Variants in DNAH5 observed in about 807,000 individuals in gnomAD.
The protein encoded by DNAH5 is dynein axonemal heavy chain 5.
DNAH5 carries 372 observed loss-of-function variants against 518.2 expected under a neutral mutation model. The observed-to-expected ratio is 0.72, with a 90% confidence interval of 0.66 to 0.78. The LOEUF (loss-of-function observed/expected upper bound fraction) is 0.78. Ranked by LOEUF, DNAH5 falls within the 30% of genes least tolerant of loss-of-function variation. DNAH5 has a pLI of 0.00. For synonymous variants in DNAH5, 2,039 were observed against 2,025.9 expected, an observed-to-expected ratio of 1.01 and a Z score of -0.17; for missense variants, 5,523 against 5,687.0, an observed-to-expected ratio of 0.97 and a Z score of 0.93.
intron 30 of DNAH5, among the ~76,000 whole-genome samples, chr5:13,855,356 CCGCCACTA>C (rs1483031238): frequency 9.4e-6 from 1 of 105,832 alleles, no homozygotes; most frequent in African/African-American, 3.4e-5. Context: ...CTACAGGCGC[CCGCCACTA>C]CGCCCGGCTA....
At chr5:13,901,169 T>G in intron 14 of DNAH5, 83 bp downstream of exon 14, 1 of 1,469,948 alleles carries the variant, frequency 6.8e-7, no homozygotes, top group South Asian at 1.2e-5. Flanking sequence ...AATCCAGCTT[T>G]CTAAAGAAAT....
At chr5:13,928,840 AC>A (rs767022922) in intron 2 of DNAH5, among the ~76,000 whole-genome samples, 1 of 152,224 alleles carries the variant, frequency 6.6e-6, no homozygotes, top group Non-Finnish European at 1.5e-5. Context: ...AAAACAGAAA[AC>A]AGCAAGTGCT....
At chr5:13,891,191 T>C in intron 16 of DNAH5, 70 bp from the exon 17 acceptor site, 1 of 1,513,866 alleles carries the variant, frequency 6.6e-7, no homozygotes, top group Non-Finnish European at 9.2e-7. Flanking sequence ...AAATCAACAC[T>C]TGATTAAATG....
intron 1 of DNAH5, among the ~76,000 whole-genome samples, chr5:13,937,817 C>A (rs1779085122): frequency 6.6e-6 from 1 of 152,026 alleles, no homozygotes; most frequent in Non-Finnish European, 1.5e-5. Flanking sequence ...TTGACTTGAG[C>A]ATTTTGTTCT....
At chr5:14,009,648 AGAG>A (rs1784981230) in intron 1 of DNAH5, among the ~76,000 whole-genome samples, 1 of 152,244 alleles carries the variant, frequency 6.6e-6, no homozygotes, top group Non-Finnish European at 1.5e-5. Flanking sequence ...TACAGGAAAC[AGAG>A]GAGGACTGGG....
At chr5:13,932,132 A>C (rs999017670) in intron 1 of DNAH5, 1 of 152,220 alleles carries the variant, frequency 6.6e-6, no homozygotes, top group Non-Finnish European at 1.5e-5. Flanking sequence ...TTAAACCCCT[A>C]ATATGTGTCA....
At chr5:13,990,271 G>A (rs1581125684) in intron 1 of DNAH5, among the ~76,000 whole-genome samples, 1 of 152,104 alleles carries the variant, frequency 6.6e-6, no homozygotes, top group Non-Finnish European at 1.5e-5. Context: ...GGGGCCCGGC[G>A]GCCAGGCACG....
intron 21 of DNAH5, among the ~76,000 whole-genome samples, chr5:13,877,343 C>T (rs1318332173): frequency 6.6e-6 from 1 of 152,208 alleles, no homozygotes; most frequent in Non-Finnish European, 1.5e-5. Flanking sequence ...GTCCTATCCT[C>T]ATGGCATTTG....
At chr5:13,780,532 G>A (rs1016328249) in intron 53 of DNAH5, among the ~76,000 whole-genome samples, 1 of 152,180 alleles carries the variant, frequency 6.6e-6, no homozygotes, top group African/African-American at 2.4e-5. Flanking sequence ...ACTCAACAGG[G>A]ACAATTGTCT....
At chr5:13,912,405 T>C (rs1308757015) in intron 11 of DNAH5, among the ~76,000 whole-genome samples, 2 of 152,014 alleles carry the variant, frequency 1.3e-5, no homozygotes, top group South Asian at 2.1e-4. Context: ...TATTTAGAAA[T>C]TGTGTGTGTA....
At chr5:13,824,519 CAA>C (rs1371771520) in intron 38 of DNAH5, among the ~76,000 whole-genome samples, 186 bp from the exon 39 acceptor site, 1 of 152,044 alleles carries the variant, frequency 6.6e-6, no homozygotes, top group African/African-American at 2.4e-5. Flanking sequence ...GGGAATATCC[CAA>C]AGAGTCCTCC....
intron 14 of DNAH5, 73 bp downstream of exon 14, chr5:13,901,179 T>C: frequency 2.0e-6 from 3 of 1,516,310 alleles, no homozygotes; most frequent in African/African-American, 1.4e-5. Context: ...TCTAAAGAAA[T>C]AACACTGTCA....
In DNAH5 at chr5:13,887,341, C is replaced by T. The variant is rs191769248; in HGVS notation, c.2578-1212G>A. Among the ~76,000 whole-genome samples, 517 of 152,232 alleles carry T rather than the reference C, an allele frequency of 3.4e-3. 3 individuals are homozygous for T. Among genetic ancestry groups the T allele is most frequent in the African/African-American group, 0.012 (495 of 41,522 alleles). ...TTAACTCTTTCTCTCTGTGAGAAGG[C>T]ATAACCATAAAAATGTAAATAGCAT... On this transcript the variant is annotated intron_variant, in intron 17 of 78. Transcript: ENST00000265104.
chr5:13,727,117 CT>C (rs1203820131), intron 70 of DNAH5, among the ~76,000 whole-genome samples: 1 of 152,166 alleles, frequency 6.6e-6, no homozygotes, highest in Non-Finnish European at 1.5e-5. Flanking sequence ...ACCCTAATGC[CT>C]TTATGTTCTT....
chr5:13,808,465 G>A (rs572541072), intron 46 of DNAH5, among the ~76,000 whole-genome samples: 65 of 152,232 alleles, frequency 4.3e-4, no homozygotes, highest in African/African-American at 1.1e-3. Context: ...CTAGCTCAGC[G>A]ATCAAAGCAG....
chr5:13,700,704 AAT>A lies in DNAH5; in HGVS notation c.13657_13658del (p.Ile4553Ter). 1 of 1,614,166 alleles carries A rather than the reference AAT, an allele frequency of 6.2e-7. No homozygotes were observed. Among genetic ancestry groups the A allele is most frequent in the Non-Finnish European group, 8.5e-7 (1 of 1,180,018 alleles). On this transcript the variant is annotated frameshift_variant, in exon 78 of 79. Coordinates refer to ENST00000265104, the MANE Select transcript of DNAH5 (RefSeq NM_001369.3). LOFTEE classifies it high-confidence loss of function. ...AGWDKRNMKLIESKPKVLFEL... is the reference protein window; with the variant it reads ...AGWDKRNMKLXESKPKVLFEL... The stretch of plus-strand genomic sequence containing the variant: ...CAAAGAGCACTTTTGGCTTTGATTC[AAT>A]GAGTTTCATGTTCCTCTTGTCCCAG...
At chr5:13,776,073 T>C (rs1030034965) in intron 55 of DNAH5, among the ~76,000 whole-genome samples, 3 of 151,870 alleles carry the variant, frequency 2.0e-5, no homozygotes, top group South Asian at 2.1e-4. Flanking sequence ...TAATGGTCCA[T>C]GGCATGGAAG....
At chr5:13,847,569 C>CA (rs34670438) in intron 31 of DNAH5, among the ~76,000 whole-genome samples, 120,684 of 151,606 alleles carry the variant, frequency 0.8, 48,079 homozygotes, top group Admixed American at 0.84. Flanking sequence ...AAAAAAATGC[C>CA]AAAAAATAGC....
At chr5:13,981,941 T>C (rs562070923) in intron 1 of DNAH5, among the ~76,000 whole-genome samples, 13 of 152,212 alleles carry the variant, frequency 8.5e-5, no homozygotes, top group Non-Finnish European at 1.8e-4. Context: ...ACACAAGGCG[T>C]AAGCTTTACA....
Sources: gnomAD v4.1 joint callset for allele counts (sites outside exome capture counted in the v4.1 genomes callset) on GRCh38, gnomAD v4.1.1 for gene constraint, MANE v1.5 for transcripts, NCBI Gene and HGNC (gene_info 2026-07-23, HGNC 2026-07-21) for gene names.